Variants in PCSK2 observed in about 807,000 individuals in gnomAD.
PCSK2 encodes neuroendocrine convertase 2.
A neutral mutation model predicts 69.7 loss-of-function variants in PCSK2; 14 were observed. The ratio of observed to expected loss-of-function variants is 0.20; its 90% CI spans 0.13 to 0.31. The LOEUF (loss-of-function observed/expected upper bound fraction) is 0.31. Among genes scored for constraint, PCSK2 ranks in the 10% least tolerant of loss-of-function variants. The pLI, the probability that PCSK2 is intolerant of heterozygous loss-of-function variation, is 1.00. For missense variants in PCSK2, 544 were observed against 842.5 expected (o/e 0.65, Z 4.39); for synonymous variants, 307 against 320.7 (o/e 0.96, Z 0.46).
intron 2 of PCSK2, among the ~76,000 whole-genome samples, chr20:17,261,817 G>A (rs955252685): frequency 6.6e-6 from 1 of 152,192 alleles, no homozygotes; most frequent in Non-Finnish European, 1.5e-5. Context: ...CCATAACCTT[G>A]CCATTTATGG....
Position 17,299,388 on chromosome 20 carries a change from T to G in PCSK2, c.282+39044T>G, listed in dbSNP as rs563226006. Among the ~76,000 whole-genome samples the G allele has an allele frequency of 6.5e-4, 99 of 152,320 alleles. 1 individual carries two copies. The highest frequency in any genetic ancestry group is 2.3e-3 in the African/African-American group (96 of 41,576). ...TCATCAAATCTATCTTTTCTTACCC[T>G]AAATTTTATTTCAATTATTTTGGCT... On this transcript the variant is annotated intron_variant, in intron 2 of 11. Coordinates refer to ENST00000262545, the MANE Select transcript of PCSK2 (RefSeq NM_002594.5).
chr20:17,293,552 T>C lies in PCSK2; in HGVS notation c.282+33208T>C, dbSNP rs536868780. Among the ~76,000 whole-genome samples, 3 of 152,366 alleles carry C rather than the reference T, an allele frequency of 2.0e-5. No individual in the cohort carries two copies. In the South Asian group the frequency reaches 6.2e-4, roughly 32 times the overall value. Reference sequence around the variant, plus strand: ...GAAATTTTATCAACTATATCAAGTATACTTGAAACATGTATCCACATAATC... The same window carrying C: ...GAAATTTTATCAACTATATCAAGTACACTTGAAACATGTATCCACATAATC... On this transcript the variant is annotated intron_variant, in intron 2 of 11. Coordinates refer to ENST00000262545, the MANE Select transcript of PCSK2 (RefSeq NM_002594.5).
At chr20:17,394,858 G>A (rs1302771518) in intron 5 of PCSK2, among the ~76,000 whole-genome samples, 1 of 152,174 alleles carries the variant, frequency 6.6e-6, no homozygotes, top group Non-Finnish European at 1.5e-5. Context: ...CATCCCAAAT[G>A]CTGTCCAAGT....
chr20:17,358,333 A>G lies in PCSK2; in HGVS notation c.289A>G (p.Met97Val). 1 of 1,589,352 alleles carries G rather than the reference A, an allele frequency of 6.3e-7. No individual in the cohort carries two copies. The highest frequency in any genetic ancestry group is 1.1e-5 in the South Asian group (1 of 90,570). ...GTCAGCATTGTCATTCCAGGTAAAGATGGCTTTGCAGCAGGAAGGATTTGA... is the reference window on the plus strand; with the variant it reads ...GTCAGCATTGTCATTCCAGGTAAAGGTGGCTTTGCAGCAGGAAGGATTTGA... The part of the protein sequence containing the change: ...QQLERDPRVK[M>V]ALQQEGFDRK... The change falls in exon 3 of 12, where the codon ATG becomes GTG. Residue 97 changes from methionine to valine, a missense_variant. Physicochemically the swap from Met to Val is conservative, Grantham distance 21. Coordinates refer to ENST00000262545, the MANE Select transcript of PCSK2 (RefSeq NM_002594.5).
intron 11 of PCSK2, among the ~76,000 whole-genome samples, chr20:17,473,400 T>G (rs2033239711): frequency 6.6e-6 from 1 of 152,160 alleles, no homozygotes; most frequent in Non-Finnish European, 1.5e-5. Context: ...CTAAGAACTC[T>G]TAAACCTCCA....
In PCSK2 at chr20:17,436,869, G is replaced by C. The variant is rs540431424; in HGVS notation, c.871G>C (p.Asp291His). The change falls in exon 8 of 12, where the codon GAT (aspartate) becomes CAT (histidine). Residue 291 changes from aspartate to histidine, a missense_variant. Transcript: ENST00000262545. ...PRELTLQAMA[D>H]GVNKGRGGKG... ...GGAGCTCACGCTGCAGGCCATGGCCGATGGCGTGAACAAGGTAAGGGGGCC... is the reference window on the plus strand; with the variant it reads ...GGAGCTCACGCTGCAGGCCATGGCCCATGGCGTGAACAAGGTAAGGGGGCC... 76 of 1,610,722 alleles carry C rather than the reference G, an allele frequency of 4.7e-5. 1 individual carries two copies. Among genetic ancestry groups the C allele is most frequent in the Non-Finnish European group, 5.1e-6 (6 of 1,178,778 alleles).
chr20:17,303,529 T>TTATATA (rs1568593886), intron 2 of PCSK2, among the ~76,000 whole-genome samples: 1 of 41,708 alleles, frequency 2.4e-5, no homozygotes, highest in East Asian at 1.5e-3. Context: ...ATAATATATA[T>TTATATA]TATATTATAT....
In PCSK2 at chr20:17,433,499, C is replaced by T. The variant is rs142488801; in HGVS notation, c.710-3209C>T. 1.3e-4 allele frequency among the ~76,000 whole-genome samples: 20 copies of T among 152,316 alleles called. No individual in the cohort carries two copies. The East Asian group carries it at 3.7e-3, about 28-fold the overall frequency. ...TTACTGGAGGCAGGGACAGGCACAC[C>T]TTGTGCAACAGGAGCAGAGGCAGAG... On this transcript the variant is annotated intron_variant, in intron 7 of 11. Coordinates refer to ENST00000262545, the MANE Select transcript of PCSK2 (RefSeq NM_002594.5).
At chr20:17,374,253 G>A (rs1372629295) in intron 5 of PCSK2, among the ~76,000 whole-genome samples, 1 of 152,192 alleles carries the variant, frequency 6.6e-6, no homozygotes, top group African/African-American at 2.4e-5. Context: ...TGTCAGGTGA[G>A]GGGTAGGCAG....
chr20:17,363,540 A>T (rs959918794), intron 4 of PCSK2, among the ~76,000 whole-genome samples: 1 of 152,196 alleles, frequency 6.6e-6, no homozygotes, highest in Non-Finnish European at 1.5e-5. Flanking sequence ...TGGAAAATGG[A>T]ATGTGATCAT....
intron 3 of PCSK2, 46 bp from the exon 4 acceptor site, chr20:17,360,486 C>T (rs142838419): frequency 8.3e-7 from 1 of 1,209,702 alleles, no homozygotes; most frequent in East Asian, 2.4e-5. Context: ...GGGTGCTTTA[C>T]AACACCAAAC....
At chr20:17,255,795 A>C (rs548571701) in intron 1 of PCSK2, among the ~76,000 whole-genome samples, 8 of 152,312 alleles carry the variant, frequency 5.3e-5, no homozygotes, top group African/African-American at 1.4e-4. Flanking sequence ...ACAACTTTGC[A>C]TTCCTGGGGT....
At chr20:17,449,335 A>T (rs536585048) in intron 8 of PCSK2, among the ~76,000 whole-genome samples, 1 of 152,012 alleles carries the variant, frequency 6.6e-6, no homozygotes, top group African/African-American at 2.4e-5. Context: ...GCCACCCTCT[A>T]ATCCATGGGT....
intron 2 of PCSK2, among the ~76,000 whole-genome samples, chr20:17,331,441 T>C (rs1026946386): frequency 1.3e-5 from 2 of 152,218 alleles, no homozygotes; most frequent in Admixed American, 6.5e-5. Flanking sequence ...CTCACTGCTT[T>C]TTCCATTCTC....
intron 2 of PCSK2, among the ~76,000 whole-genome samples, chr20:17,343,368 C>T (rs1990561655): frequency 2.0e-5 from 3 of 152,140 alleles, no homozygotes; most frequent in Non-Finnish European, 4.4e-5. Context: ...CAGTATAACC[C>T]ACATGTAGCT....
At chr20:17,404,303 A>C (rs1402242220) in intron 5 of PCSK2, among the ~76,000 whole-genome samples, 1 of 152,240 alleles carries the variant, frequency 6.6e-6, no homozygotes, top group East Asian at 1.9e-4. Context: ...GTGGATGTCC[A>C]TATTAAATAC....
intron 1 of PCSK2, among the ~76,000 whole-genome samples, chr20:17,252,702 C>T (rs752969141): frequency 3.3e-5 from 5 of 152,160 alleles, no homozygotes; most frequent in Non-Finnish European, 7.3e-5. Flanking sequence ...GCAAATCTTC[C>T]TTCCCTGTGA....
intron 1 of PCSK2, among the ~76,000 whole-genome samples, chr20:17,252,969 T>A (rs921902291): frequency 1.3e-5 from 2 of 152,228 alleles, no homozygotes; most frequent in Non-Finnish European, 2.9e-5. Context: ...GTCAATCCAG[T>A]GTTACTTAGA....
At chr20:17,346,823 C>A (rs1041948129) in intron 2 of PCSK2, among the ~76,000 whole-genome samples, 5 of 152,158 alleles carry the variant, frequency 3.3e-5, no homozygotes, top group African/African-American at 1.2e-4. Context: ...TGGAAACAAG[C>A]ATAGCCCTGG....
Sources: allele counts gnomAD v4.1 joint callset (sites outside exome capture counted in the v4.1 genomes callset), GRCh38; gene constraint gnomAD v4.1.1; transcripts MANE v1.5; gene names NCBI Gene and HGNC (gene_info 2026-07-23, HGNC 2026-07-21).